The following CFAP300 variants were observed in gnomAD, a reference collection of about 807,000 sequenced individuals.
CFAP300 encodes the protein cilia- and flagella-associated protein 300.
A neutral mutation model predicts 33.0 loss-of-function variants in CFAP300; 32 were observed. That is an observed-to-expected ratio of 0.97 (90% confidence interval 0.73 to 1.30). The LOEUF (loss-of-function observed/expected upper bound fraction) is 1.30, where lower values mean the gene tolerates loss of function less well. Ranked by LOEUF, CFAP300 falls within the 50% of genes most tolerant of loss-of-function variation. The pLI is 0.00. For missense variants in CFAP300, 356 were observed against 318.1 expected, an observed-to-expected ratio of 1.12 and a Z score of -0.90; for synonymous variants, 102 against 106.8, an observed-to-expected ratio of 0.95 and a Z score of 0.28.
intron 4 of CFAP300, among the ~76,000 whole-genome samples, chr11:102,069,869 A>C (rs1942285893): frequency 6.6e-6 from 1 of 152,132 alleles, no homozygotes; most frequent in Admixed American, 6.6e-5. Context: ...TGGAAGGCGG[A>C]GGTGGGAGGA....
intron 4 of CFAP300, among the ~76,000 whole-genome samples, chr11:102,075,639 G>A (rs1428797326): frequency 1.3e-5 from 2 of 152,208 alleles, no homozygotes; most frequent in East Asian, 3.9e-4. Flanking sequence ...GTGGAAGGAG[G>A]GAAGACTTAG....
intron 4 of CFAP300, among the ~76,000 whole-genome samples, chr11:102,067,943 T>C (rs1369025001): frequency 6.6e-6 from 1 of 152,170 alleles, no homozygotes. Flanking sequence ...ATTGATATTA[T>C]CATCGTTACA....
intron 4 of CFAP300, among the ~76,000 whole-genome samples, chr11:102,074,518 A>G (rs1024675084): frequency 6.6e-6 from 1 of 151,926 alleles, no homozygotes; most frequent in Non-Finnish European, 1.5e-5. Context: ...TTGAAGTGTG[A>G]TTATCTACTT....
chr11:102,056,770 T>G (rs1384198162), intron 2 of CFAP300, among the ~76,000 whole-genome samples: 1 of 151,534 alleles, frequency 6.6e-6, no homozygotes, highest in Admixed American at 6.6e-5. Context: ...ATTACAGGAG[T>G]GTGCCACCAT....
Position 102,075,920 on chromosome 11 carries a change from A to G in CFAP300, c.483A>G (p.Pro161=), listed in dbSNP as rs1222051692. Residue 161 remains proline, a synonymous_variant, in exon 5 of 7, where the codon CCA becomes CCG. Transcript: ENST00000434758. The stretch of plus-strand genomic sequence containing the variant: ...AAAAATATGAAATATTCAGCCAACC[A>G]GATAGAGAAGAGTTCCTGTTTTGTC... The part of the protein sequence containing the change: ...DSEKYEIFSQ[P]DREEFLFCLF... The G allele has an allele frequency of 6.2e-7, 1 of 1,613,762 alleles. No homozygotes were observed.
intron 3 of CFAP300, among the ~76,000 whole-genome samples, chr11:102,061,670 C>G (rs1942151306): frequency 1.3e-5 from 2 of 152,122 alleles, no homozygotes; most frequent in Admixed American, 1.3e-4. Flanking sequence ...GAGGCATAAG[C>G]TAAGTAATGT....
Position 102,047,590 on chromosome 11 carries a change from C to T in CFAP300, c.110+10C>T, listed in dbSNP as rs1941899118. 5.2e-6 allele frequency: 8 copies of T among 1,534,074 alleles called. No individual in the cohort carries two copies. The highest frequency in any genetic ancestry group is 3.3e-4 in the Middle Eastern group (2 of 5,998). On this transcript the variant is annotated intron_variant, in intron 1 of 6. Coordinates refer to ENST00000434758, the MANE Select transcript of CFAP300 (RefSeq NM_032930.3). ...GCCGGCTCCGCCAGTGGTGAGGAAC[C>T]GAGGCACAGGGAGAGAAGAGGCCCT...
intron 4 of CFAP300, among the ~76,000 whole-genome samples, chr11:102,074,562 T>A (rs1373452638): frequency 6.6e-6 from 1 of 152,174 alleles, no homozygotes; most frequent in Non-Finnish European, 1.5e-5. Flanking sequence ...AGGAAGTGAG[T>A]GCCAGATGCT....
intron 3 of CFAP300, among the ~76,000 whole-genome samples, chr11:102,065,373 T>C (rs1037288959): frequency 1.1e-4 from 16 of 152,074 alleles, no homozygotes; most frequent in Non-Finnish European, 1.5e-4. Flanking sequence ...TCCATAGTGC[T>C]GGAATTACAG....
At chr11:102,048,535 A>C (rs924197382) in intron 2 of CFAP300, among the ~76,000 whole-genome samples, 2 of 152,144 alleles carry the variant, frequency 1.3e-5, no homozygotes, top group Non-Finnish European at 2.9e-5. Context: ...AAATATTTTA[A>C]ATATTATCAC....
chr11:102,062,134 T>G (rs1942157340), intron 3 of CFAP300, among the ~76,000 whole-genome samples: 2 of 152,204 alleles, frequency 1.3e-5, no homozygotes, highest in African/African-American at 4.8e-5. Context: ...TAGAGCCATC[T>G]AAGTACACAG....
intron 5 of CFAP300, among the ~76,000 whole-genome samples, chr11:102,077,365 T>C (rs1942411090): frequency 6.6e-6 from 1 of 152,260 alleles, no homozygotes; most frequent in Non-Finnish European, 1.5e-5. Context: ...CTTTACAGTG[T>C]CTAACCTGCC....
At chr11:102,059,281 ATGTGTGTGTGTGTGTG>A (rs55657614) in intron 3 of CFAP300, among the ~76,000 whole-genome samples, 3 of 148,560 alleles carry the variant, frequency 2.0e-5, no homozygotes, top group Admixed American at 6.7e-5. Flanking sequence ...ATATGTTAAA[ATGTGTGTGTGTGTGTG>A]TGTGTGTGTG....
intron 3 of CFAP300, among the ~76,000 whole-genome samples, chr11:102,060,277 T>A (rs1942130427): frequency 2.2e-5 from 3 of 134,962 alleles, no homozygotes; most frequent in African/African-American, 5.6e-5. Flanking sequence ...TCAGCCTAAA[T>A]TTTTTTTTTT....
chr11:102,062,385 A>T (rs1284423421), intron 3 of CFAP300, among the ~76,000 whole-genome samples: 1 of 152,214 alleles, frequency 6.6e-6, no homozygotes, highest in Non-Finnish European at 1.5e-5. Flanking sequence ...TTGGAACTGA[A>T]TGATGGATGG....
intron 2 of CFAP300, among the ~76,000 whole-genome samples, chr11:102,048,149 A>C (rs1168318254): frequency 6.6e-6 from 1 of 152,120 alleles, no homozygotes; most frequent in Non-Finnish European, 1.5e-5. Context: ...GGAACTTTGC[A>C]GTTCTGGAAG....
At chr11:102,078,258 C>T (rs1942426987) in intron 5 of CFAP300, among the ~76,000 whole-genome samples, 1 of 152,098 alleles carries the variant, frequency 6.6e-6, no homozygotes, top group Non-Finnish European at 1.5e-5. Context: ...AGTTTAGAGT[C>T]AATATGGGAC....
At chr11:102,082,268 T>G (rs1942484778) in intron 6 of CFAP300, among the ~76,000 whole-genome samples, 1 of 151,590 alleles carries the variant, frequency 6.6e-6, no homozygotes, top group African/African-American at 2.4e-5. Flanking sequence ...CCCAGCTACT[T>G]GGGAGCCTGA....
At chr11:102,075,312 G>A (rs766871920) in intron 4 of CFAP300, among the ~76,000 whole-genome samples, 3 of 152,154 alleles carry the variant, frequency 2.0e-5, no homozygotes, top group Non-Finnish European at 2.9e-5. Flanking sequence ...AAGAGCAAGA[G>A]TCAGTGTCAA....
Sources: allele counts gnomAD v4.1 joint callset (sites outside exome capture counted in the v4.1 genomes callset), GRCh38; gene constraint gnomAD v4.1.1; transcripts MANE v1.5; gene names NCBI Gene and HGNC (gene_info 2026-07-23, HGNC 2026-07-21).